The following PCSK6 variants were observed in gnomAD, a reference collection of about 807,000 sequenced individuals.
PCSK6 encodes the protein paired basic amino acid cleaving enzyme 4.
In PCSK6, 85 loss-of-function variants were observed where a neutral mutation model predicts 123.3. That is an observed-to-expected ratio of 0.69 (90% CI 0.58 to 0.83). The LOEUF is 0.83. PCSK6 is among the 40% of genes least tolerant of loss of function. The probability of loss-of-function intolerance (pLI) is 0.00; values close to 1 mark genes in which losing one functional copy is unlikely to be tolerated. For synonymous variants in PCSK6, 508 were observed against 516.0 expected, an observed-to-expected ratio of 0.98 and a Z score of 0.21; for missense variants, 1,191 against 1,282.3, an observed-to-expected ratio of 0.93 and a Z score of 1.09.
intron 14 of PCSK6, 68 bp from the exon 15 acceptor site, chr15:101,331,757 C>G (rs776787179): frequency 9.1e-5 from 145 of 1,600,664 alleles, no homozygotes; most frequent in Non-Finnish European, 1.2e-4. Context: ...CCATCAGCCC[C>G]ACCTTTGCCA....
In PCSK6 at chr15:101,443,578, G is replaced by C; in HGVS notation, c.380C>G (p.Thr127Ser). The C allele has an allele frequency of 6.2e-7, 1 of 1,613,376 alleles. No individual in the cohort carries two copies. The highest frequency in any genetic ancestry group is 8.5e-7 in the Non-Finnish European group (1 of 1,179,332). Residue 127 changes from threonine (T) to serine (S), a missense_variant, in exon 2 of 22, where the codon ACC becomes AGC. Physicochemically the swap from Thr to Ser is moderately conservative, Grantham distance 58. Around this residue, in one of 3 missense-constraint regions of PCSK6, gnomAD observed 204 missense variants for 166.4 expected, o/e 1.23. Coordinates refer to ENST00000611716, the MANE Select transcript of PCSK6 (RefSeq NM_002570.5). The stretch of plus-strand genomic sequence containing the variant: ...TACCTGGGGGTCCATTCTGAGGAAG[G>C]TGTGAGGGCCTCTGCTACTCAAGGT... Reference protein sequence around the residue: ...RSTLSSRGPHTFLRMDPQVKW... With the variant: ...RSTLSSRGPHSFLRMDPQVKW...
In PCSK6 at chr15:101,438,519, T is replaced by C. The variant is rs555484038; in HGVS notation, c.402+5037A>G. 3.9e-5 allele frequency among the ~76,000 whole-genome samples: 6 copies of C among 152,352 alleles called. No individual in the cohort carries two copies. In the East Asian group the frequency reaches 7.7e-4, roughly 20 times the overall value. ...AATGATATGTGGCCTTGACCCTCGA[T>C]AACCTCCTGTTGCATTGGCAAGAGA... On this transcript the variant is annotated intron_variant, in intron 2 of 21. Coordinates refer to ENST00000611716, the MANE Select transcript of PCSK6 (RefSeq NM_002570.5).
At chr15:101,307,385 C>T in intron 20 of PCSK6, 60 bp from the exon 21 acceptor site, 2 of 1,286,038 alleles carry the variant, frequency 1.6e-6, no homozygotes, top group Non-Finnish European at 2.2e-6. Flanking sequence ...CTCCGGGCTC[C>T]CTTCCCAGAA....
At chr15:101,350,666 C>T (rs1007808941) in intron 13 of PCSK6, among the ~76,000 whole-genome samples, 7 of 152,276 alleles carry the variant, frequency 4.6e-5, no homozygotes, top group East Asian at 3.9e-4. Context: ...TGCCTGGTTG[C>T]GACGTATATT....
intron 11 of PCSK6, among the ~76,000 whole-genome samples, chr15:101,378,345 C>A (rs1188933595): frequency 6.6e-6 from 1 of 152,262 alleles, no homozygotes; most frequent in Non-Finnish European, 1.5e-5. Context: ...ACGATCACAA[C>A]AGAGGCCCAG....
intron 20 of PCSK6, among the ~76,000 whole-genome samples, chr15:101,312,662 C>T (rs2039893216): frequency 6.6e-6 from 1 of 152,128 alleles, no homozygotes; most frequent in African/African-American, 2.4e-5. Context: ...GAAACCCGGT[C>T]TCTATTAAAA....
intron 17 of PCSK6, among the ~76,000 whole-genome samples, chr15:101,323,195 A>T (rs1596181594): frequency 6.6e-6 from 1 of 152,164 alleles, no homozygotes; most frequent in African/African-American, 2.4e-5. Flanking sequence ...TGGGCCTGGG[A>T]GCTAACAGCT....
intron 5 of PCSK6, among the ~76,000 whole-genome samples, chr15:101,429,313 G>A (rs886819041): frequency 1.6e-4 from 24 of 152,196 alleles, no homozygotes; most frequent in African/African-American, 3.6e-4. Context: ...TGGGCTCTCC[G>A]GACCCCACTG....
intron 2 of PCSK6, among the ~76,000 whole-genome samples, chr15:101,443,016 T>C (rs1332101811): frequency 6.6e-6 from 1 of 152,236 alleles, no homozygotes; most frequent in Non-Finnish European, 1.5e-5. Context: ...TGTTGATTGA[T>C]CTTTCTCAAA....
intron 6 of PCSK6, among the ~76,000 whole-genome samples, chr15:101,427,441 T>C (rs763453164): frequency 9.2e-5 from 14 of 152,168 alleles, no homozygotes; most frequent in Non-Finnish European, 1.8e-4. Flanking sequence ...ATGAAAAATG[T>C]CCTCTAAGGT....
intron 20 of PCSK6, among the ~76,000 whole-genome samples, chr15:101,309,754 C>T (rs1362824406): frequency 1.3e-5 from 2 of 152,256 alleles, no homozygotes; most frequent in Non-Finnish European, 2.9e-5. Flanking sequence ...CGCTGGCAAG[C>T]ACTCCACAGA....
chr15:101,454,254 T>G (rs142037857), intron 1 of PCSK6, among the ~76,000 whole-genome samples: 311 of 152,332 alleles, frequency 2.0e-3, no homozygotes, highest in African/African-American at 7.3e-3. Flanking sequence ...CTTCAAATTT[T>G]CACTTAAAAA....
At chr15:101,423,259 ATT>A (rs35566551) in intron 6 of PCSK6, among the ~76,000 whole-genome samples, 11,435 of 139,702 alleles carry the variant, frequency 0.082, 719 homozygotes, top group African/African-American at 0.18. Flanking sequence ...AAATATCTGA[ATT>A]TTTTTTTTTT....
At chr15:101,315,680 T>C (rs193104308) in intron 19 of PCSK6, among the ~76,000 whole-genome samples, 45 of 152,382 alleles carry the variant, frequency 3.0e-4, no homozygotes, top group Admixed American at 1.9e-3. Flanking sequence ...ACGCTCATGC[T>C]TGAGGGCTGA....
At chr15:101,307,519 C>T (rs1173695879) in intron 20 of PCSK6, 194 bp from the exon 21 acceptor site, 3 of 545,050 alleles carry the variant, frequency 5.5e-6, no homozygotes, top group African/African-American at 1.9e-5. Flanking sequence ...TGTCTGACCT[C>T]ACTATTGCCC....
At chr15:101,426,019 G>A (rs2056244524) in intron 6 of PCSK6, among the ~76,000 whole-genome samples, 1 of 152,170 alleles carries the variant, frequency 6.6e-6, no homozygotes, top group Non-Finnish European at 1.5e-5. Context: ...GGCCTGGGGT[G>A]GGGATTCTGC....
intron 1 of PCSK6, among the ~76,000 whole-genome samples, chr15:101,468,673 G>A (rs1473298092): frequency 1.3e-5 from 2 of 152,198 alleles, no homozygotes; most frequent in Non-Finnish European, 2.9e-5. Context: ...ACAGCAGTTG[G>A]TACTAATAAC....
At chr15:101,328,980 T>C (rs752028) in intron 15 of PCSK6, among the ~76,000 whole-genome samples, 111,227 of 152,178 alleles carry the variant, frequency 0.73, 40,951 homozygotes, top group Admixed American at 0.79. Context: ...CCATGATGTT[T>C]GTGTTGCAAT....
At chr15:101,475,754 G>C (rs771718066) in intron 1 of PCSK6, among the ~76,000 whole-genome samples, 1 of 148,342 alleles carries the variant, frequency 6.7e-6, no homozygotes, top group Non-Finnish European at 1.5e-5. Flanking sequence ...GCCTCCCAAA[G>C]TGCTGGGACT....
Sources: allele counts gnomAD v4.1 joint callset (sites outside exome capture counted in the v4.1 genomes callset), GRCh38; gene constraint gnomAD v4.1.1; regional missense constraint gnomAD v4.1.1; transcripts MANE v1.5; gene names NCBI Gene and HGNC (gene_info 2026-07-23, HGNC 2026-07-21).